GDAP1: variants seen among roughly 807,000 people sequenced by gnomAD.
GDAP1 encodes ganglioside-induced differentiation-associated protein 1.
GDAP1 carries 34 observed loss-of-function variants against 40.1 expected under a neutral mutation model. The ratio of observed to expected loss-of-function variants is 0.85; its 90% CI spans 0.64 to 1.13. The LOEUF (loss-of-function observed/expected upper bound fraction) is 1.13. Among genes scored for constraint, GDAP1 ranks in the 50% most tolerant of loss-of-function variants. GDAP1 has a pLI of 0.00. For synonymous variants in GDAP1, 170 were observed against 157.4 expected (o/e 1.08, Z -0.60); for missense variants, 374 against 433.7 (o/e 0.86, Z 1.22).
intron 2 of GDAP1, among the ~76,000 whole-genome samples, chr8:74,398,469 A>C (rs1443764144): frequency 6.6e-6 from 1 of 152,198 alleles, no homozygotes; most frequent in Non-Finnish European, 1.5e-5. Context: ...GGGGTTTTCT[A>C]GATATACAAT....
At chr8:74,362,781 TC>T (rs1325666254) in intron 4 of GDAP1, among the ~76,000 whole-genome samples, 157 bp from the exon 5 acceptor site, 63 of 62,338 alleles carry the variant, frequency 1.0e-3, no homozygotes, top group African/African-American at 1.7e-3. Flanking sequence ...GCTCTCTCTC[TC>T]TCTTTTTTTT....
At chr8:74,387,878 A>G (rs1810048967) in intron 2 of GDAP1, among the ~76,000 whole-genome samples, 1 of 152,116 alleles carries the variant, frequency 6.6e-6, no homozygotes, top group Admixed American at 6.5e-5. Context: ...TGGTCTTTTC[A>G]GGGATTTGAC....
Position 74,392,268 on chromosome 8 carries a change from G to T in GDAP1, c.165+40947G>T, listed in dbSNP as rs550390863. ...GGATTTAGATTAAATGATCATGGAA[G>T]TACTTCCCAGTTTTATCAATGTGAT... On this transcript the variant is annotated intron_variant, in intron 2 of 2. Transcript: ENST00000523640. Among the ~76,000 whole-genome samples the T allele has an allele frequency of 7.9e-5, 12 of 152,282 alleles. No homozygotes were observed. The East Asian group carries it at 1.9e-3, about 24-fold the overall frequency.
intron 2 of GDAP1, among the ~76,000 whole-genome samples, chr8:74,466,705 T>A (rs2131582356): frequency 6.6e-6 from 1 of 152,318 alleles, no homozygotes; most frequent in Middle Eastern, 3.4e-3. Context: ...TTGAAGGCGC[T>A]GATTAGATAT....
chr8:74,413,598 G>A (rs1463685489), intron 2 of GDAP1, among the ~76,000 whole-genome samples: 1 of 149,714 alleles, frequency 6.7e-6, no homozygotes, highest in Non-Finnish European at 1.5e-5. Context: ...CAGCATTCCT[G>A]TAGAGATTTT....
At chr8:74,429,803 A>C (rs1438729446) in intron 2 of GDAP1, among the ~76,000 whole-genome samples, 1 of 152,232 alleles carries the variant, frequency 6.6e-6, no homozygotes, top group Non-Finnish European at 1.5e-5. Context: ...GCATGTGGTA[A>C]TGTAGAATGT....
At chr8:74,389,531 C>T (rs2131542220) in intron 2 of GDAP1, among the ~76,000 whole-genome samples, 1 of 152,320 alleles carries the variant, frequency 6.6e-6, no homozygotes, top group Non-Finnish European at 1.5e-5. Flanking sequence ...TGTAGTGTTT[C>T]TGCAGAGACA....
At position 74,365,637 on chromosome 8, in the gene GDAP1, G is replaced by C. The variant is rs536597790; in HGVS notation, c.*1270G>C. ...CAGTGAACAACAGTAGCCAAAGAAT[G>C]TACTAACTTTATCATTAATAGGAAA... On this transcript the variant is annotated 3_prime_UTR_variant, in exon 6 of 6. Transcript: ENST00000220822. The C allele has an allele frequency of 9.0e-5, 41 of 454,398 alleles. No individual in the cohort carries two copies. Among genetic ancestry groups the C allele is most frequent in the Non-Finnish European group, 1.7e-4 (38 of 226,756 alleles). The allele number at this position is 454,398 out of a possible 1,614,324, so 28.1% of individuals were successfully genotyped here.
chr8:74,379,704 C>T lies in GDAP1; in HGVS notation c.165+28383C>T, dbSNP rs561831915. Among the ~76,000 whole-genome samples the T allele has an allele frequency of 5.9e-5, 9 of 152,226 alleles. No individual in the cohort carries two copies. In the South Asian group the frequency reaches 1.5e-3, roughly 25 times the overall value. ...ATCTTAACATAGCAGGGATCTGGAT[C>T]GGTTCAACATTCTGTTGAATGTCAA... is the stretch of plus-strand genomic sequence containing the variant. On this transcript the variant is annotated intron_variant, in intron 2 of 2. Transcript: ENST00000523640.
intron 2 of GDAP1, among the ~76,000 whole-genome samples, chr8:74,452,171 T>C (rs1806300704): frequency 1.2e-5 from 1 of 81,628 alleles, no homozygotes; most frequent in Non-Finnish European, 2.5e-5. Flanking sequence ...AGGGTGGTCT[T>C]GATCTCCTGA....
intron 2 of GDAP1, among the ~76,000 whole-genome samples, chr8:74,460,369 A>G (rs1806385968): frequency 1.3e-5 from 2 of 152,202 alleles, no homozygotes; most frequent in South Asian, 4.1e-4. Context: ...GAACCTTCCA[A>G]ATCTTGATTC....
intron 2 of GDAP1, among the ~76,000 whole-genome samples, chr8:74,432,413 G>T (rs1806039276): frequency 6.6e-6 from 1 of 151,966 alleles, no homozygotes; most frequent in Non-Finnish European, 1.5e-5. Flanking sequence ...GCACATTTAT[G>T]CTTATAATAT....
intron 2 of GDAP1, among the ~76,000 whole-genome samples, chr8:74,406,982 A>C (rs1361125225): frequency 2.7e-5 from 4 of 149,982 alleles, no homozygotes; most frequent in Admixed American, 1.3e-4. Context: ...GCTTATTCTT[A>C]GAATCACCAG....
intron 2 of GDAP1, among the ~76,000 whole-genome samples, chr8:74,397,432 A>C (rs947912114): frequency 6.6e-6 from 1 of 152,114 alleles, no homozygotes; most frequent in Non-Finnish European, 1.5e-5. Context: ...GTCCTTGCCC[A>C]TGCCTATGTC....
downstream of GDAP1, among the ~76,000 whole-genome samples, chr8:74,369,777 C>T (rs764754746): frequency 6.1e-5 from 9 of 147,970 alleles, no homozygotes; most frequent in Middle Eastern, 6.8e-3. Context: ...ATTGTCAGAC[C>T]GCTGAAAACA....
intron 2 of GDAP1, among the ~76,000 whole-genome samples, chr8:74,373,829 T>A (rs982945328): frequency 7.9e-5 from 12 of 152,202 alleles, no homozygotes; most frequent in Non-Finnish European, 1.5e-4. Flanking sequence ...ATCCCTGTCT[T>A]GTGCCAGTTT....
chr8:74,458,775 G>C (rs1806366293), intron 2 of GDAP1, among the ~76,000 whole-genome samples: 1 of 152,106 alleles, frequency 6.6e-6, no homozygotes. Context: ...TGAATCAATT[G>C]TAGTGAGGTC....
At chr8:74,459,328 A>C (rs963512242) in intron 2 of GDAP1, among the ~76,000 whole-genome samples, 1 of 152,252 alleles carries the variant, frequency 6.6e-6, no homozygotes, top group African/African-American at 2.4e-5. Flanking sequence ...ATAGATTATC[A>C]GACACTTTTG....
intron 2 of GDAP1, among the ~76,000 whole-genome samples, chr8:74,458,400 T>C (rs1230394273): frequency 6.6e-6 from 1 of 152,160 alleles, no homozygotes; most frequent in Non-Finnish European, 1.5e-5. Flanking sequence ...ATGAAGACAA[T>C]GTTTACAGTT....
Sources: allele counts gnomAD v4.1 joint callset (sites outside exome capture counted in the v4.1 genomes callset), GRCh38; gene constraint gnomAD v4.1.1; transcripts MANE v1.5; gene names NCBI Gene and HGNC (gene_info 2026-07-23, HGNC 2026-07-21).